Variants in AKAP12 observed in about 807,000 individuals in gnomAD.
The protein encoded by AKAP12 is A-kinase anchor protein 12.
A neutral mutation model predicts 79.9 loss-of-function variants in AKAP12; 32 were observed. The ratio of observed to expected loss-of-function variants is 0.40; its 90% CI spans 0.30 to 0.54. The LOEUF is 0.54. Ranked by LOEUF, AKAP12 falls within the 20% of genes least tolerant of loss-of-function variation. The pLI is 0.48. For synonymous variants in AKAP12, 808 were observed against 857.0 expected (o/e 0.94, Z 1.00); for missense variants, 2,074 against 2,177.0 (o/e 0.95, Z 0.94).
chr6:151,268,943 CTGTTT>C (rs1554321369), intron 2 of AKAP12, among the ~76,000 whole-genome samples: 1 of 84,932 alleles, frequency 1.2e-5, no homozygotes, highest in African/African-American at 4.0e-5. Context: ...CGTGCTCGGC[CTGTTT>C]TTTTTTTTTT....
chr6:151,323,577 A>T, intron 3 of AKAP12: 1 of 401,554 alleles, frequency 2.5e-6, no homozygotes, highest in Non-Finnish European at 3.4e-6. Flanking sequence ...ATCAAATCAG[A>T]TGTGTTAGCG....
At chr6:151,284,915 G>A (rs868855982) in intron 2 of AKAP12, among the ~76,000 whole-genome samples, 1 of 152,178 alleles carries the variant, frequency 6.6e-6, no homozygotes, top group Non-Finnish European at 1.5e-5. Flanking sequence ...GGGACCCAGG[G>A]TGGAACCAAA....
chr6:151,242,132 C>G (rs376292161), intron 2 of AKAP12, among the ~76,000 whole-genome samples: 1 of 152,172 alleles, frequency 6.6e-6, no homozygotes, highest in Non-Finnish European at 1.5e-5. Flanking sequence ...CAGCTACTGT[C>G]AAAGTGGCTC....
chr6:151,255,111 T>C (rs1797265784), intron 2 of AKAP12, among the ~76,000 whole-genome samples: 1 of 151,972 alleles, frequency 6.6e-6, no homozygotes, highest in Admixed American at 6.6e-5. Context: ...TCAACAAAAA[T>C]GAAGTTACAG....
At chr6:151,354,849 T>C (rs1248583544) in intron 4 of AKAP12, among the ~76,000 whole-genome samples, 45 of 151,990 alleles carry the variant, frequency 3.0e-4, no homozygotes, top group Admixed American at 2.8e-3. Context: ...CCGAGCTAAT[T>C]GTTAAATTTT....
chr6:151,348,697 C>CCCCCCCTT lies in AKAP12; in HGVS notation c.320-14_320-13insCCCCCCTT. The CCCCCCCTT allele has an allele frequency of 1.4e-5, 9 of 650,660 alleles. No individual in the cohort carries two copies. The highest frequency in any genetic ancestry group is 3.3e-5 in the Admixed American group (1 of 30,366). 40.3% of individuals were successfully genotyped at this position (650,660 alleles called of 1,614,324 possible). A position where few individuals can be genotyped will look rare whatever the true frequency, so the allele number is the denominator to read the frequency against. The stretch of plus-strand genomic sequence containing the variant: ...TTCTCTTCTCCCCACCCCCCCGCCC[C>CCCCCCCTT]TTTTTGTTAATAGTTGGACAGAGAG... On this transcript the variant is annotated splice_polypyrimidine_tract_variant and intron_variant, in intron 3 of 4. Transcript: ENST00000402676.
intron 3 of AKAP12, among the ~76,000 whole-genome samples, chr6:151,327,103 C>G (rs778553967): frequency 2.0e-5 from 3 of 148,242 alleles, no homozygotes; most frequent in Non-Finnish European, 4.4e-5. Flanking sequence ...ACGTGAGCCA[C>G]CGCACCTGGC....
In AKAP12 at chr6:151,262,243, C is replaced by G. The variant is rs186859283; in HGVS notation, c.162+21519C>G. Among the ~76,000 whole-genome samples, 3 of 152,386 alleles carry G rather than the reference C, an allele frequency of 2.0e-5. No homozygotes were observed. The East Asian group carries it at 5.8e-4, about 29-fold the overall frequency. ...GTGCTGGGATAACAGGCATGAGCCA[C>G]TGCGCCCGGCCCAAAACAATGGTTT... On this transcript the variant is annotated intron_variant, in intron 2 of 4. Coordinates refer to ENST00000402676, the MANE Select transcript of AKAP12 (RefSeq NM_005100.4).
Position 151,351,563 on chromosome 6 carries a change from G to A in AKAP12, c.3172G>A (p.Gly1058Ser). 6.2e-7 allele frequency: 1 copy of A among 1,614,130 alleles called. No homozygotes were observed. The highest frequency in any genetic ancestry group is 8.5e-7 in the Non-Finnish European group (1 of 1,180,038). The change falls in exon 4 of 5, where the codon GGC becomes AGC. Residue 1058 changes from glycine (G) to serine (S), a missense_variant. This residue lies in a region of AKAP12 where 1,428 missense variants were observed against 1,451.0 expected (regional missense o/e 0.98). Transcript: ENST00000402676. The surrounding 1 kb of genome is among the most constrained non-coding windows in gnomAD (Gnocchi z 4.4). ...EKVKEESQLPGTGGPEDVLQP... is the reference protein window; with the variant it reads ...EKVKEESQLPSTGGPEDVLQP... ...AGTGAAAGAGGAATCCCAGCTGCCT[G>A]GCACCGGTGGGCCAGAAGATGTGCT...
chr6:151,280,878 A>G (rs1562719600), intron 2 of AKAP12, among the ~76,000 whole-genome samples: 1 of 152,048 alleles, frequency 6.6e-6, no homozygotes, highest in African/African-American at 2.4e-5. Flanking sequence ...TGGCAATCAT[A>G]TTTCACAAAC....
intron 3 of AKAP12, among the ~76,000 whole-genome samples, chr6:151,336,662 A>G (rs1346046658): frequency 2.0e-5 from 3 of 152,142 alleles, no homozygotes; most frequent in Non-Finnish European, 2.9e-5. Context: ...GAATTGCTTG[A>G]ACCCAGGAGG....
At chr6:151,310,432 G>A (rs1777069371) in intron 3 of AKAP12, among the ~76,000 whole-genome samples, 1 of 152,134 alleles carries the variant, frequency 6.6e-6, no homozygotes, top group Non-Finnish European at 1.5e-5. Flanking sequence ...ATCTTGGGCT[G>A]AGACCAATTT....
At chr6:151,279,057 A>G (rs190560720) in intron 2 of AKAP12, among the ~76,000 whole-genome samples, 426 of 152,302 alleles carry the variant, frequency 2.8e-3, no homozygotes, top group Non-Finnish European at 4.7e-3. Context: ...TAAAATTCCT[A>G]AAATAAATTG....
chr6:151,240,380 T>G lies in AKAP12; in HGVS notation c.-179-4T>G. 7.4e-6 allele frequency: 4 copies of G among 541,946 alleles called. No individual in the cohort carries two copies. The highest frequency in any genetic ancestry group is 1.1e-5 in the Non-Finnish European group (4 of 348,304). 33.6% of individuals were successfully genotyped at this position (541,946 alleles called of 1,614,324 possible). A position where few individuals can be genotyped will look rare whatever the true frequency, so the allele number is the denominator to read the frequency against. Reference sequence around the variant, plus strand: ...CCTTTTTTTTTTTTTCCTTTTCTTTTAAGGAGTTTGCCGCGAGCGCGTCTC... The same window carrying G: ...CCTTTTTTTTTTTTTCCTTTTCTTTGAAGGAGTTTGCCGCGAGCGCGTCTC... On this transcript the variant is annotated splice_region_variant and splice_polypyrimidine_tract_variant and intron_variant, in intron 1 of 4. Transcript: ENST00000402676.
At chr6:151,325,925 G>T in intron 3 of AKAP12, 1 of 1,614,118 alleles carries the variant, frequency 6.2e-7, no homozygotes. Context: ...TCCCTGGACG[G>T]CAGGCACGGG....
intron 3 of AKAP12, among the ~76,000 whole-genome samples, chr6:151,337,841 A>C (rs1363319159): frequency 6.6e-6 from 1 of 152,038 alleles, no homozygotes; most frequent in Non-Finnish European, 1.5e-5. Flanking sequence ...TCAGGAGTTC[A>C]AGGCCAGCCA....
intron 2 of AKAP12, among the ~76,000 whole-genome samples, chr6:151,295,543 A>G (rs1262127573): frequency 6.6e-6 from 1 of 152,192 alleles, no homozygotes; most frequent in Non-Finnish European, 1.5e-5. Context: ...AAACCGTTCC[A>G]GCCGCCTTCC....
chr6:151,324,605 G>A (rs1372996591), intron 3 of AKAP12: 1 of 985,288 alleles, frequency 1.0e-6, no homozygotes, highest in Admixed American at 6.1e-5. Flanking sequence ...CTGAAGAGAA[G>A]TGCAATAGTA....
chr6:151,352,532 C>T lies in AKAP12; in HGVS notation c.4141C>T (p.Pro1381Ser). The change falls in exon 4 of 5, where the codon CCC becomes TCC. Residue 1381 changes from proline to serine, a missense_variant. Pro to Ser is a moderately conservative substitution (Grantham distance 74). Around this residue, in one of 3 missense-constraint regions of AKAP12, gnomAD observed 614 missense variants for 665.6 expected, o/e 0.92. Transcript: ENST00000402676. ...GCAGCTCCTCCAGACAGTGAATGTG[C>T]CCATCATAGATGGGGCAAAGGAAGT... ...SKQLLQTVNV[P>S]IIDGAKEVSS... 6.2e-7 allele frequency: 1 copy of T among 1,614,178 alleles called. No homozygotes were observed. The highest frequency in any genetic ancestry group is 1.1e-5 in the South Asian group (1 of 91,082).
Sources: allele counts gnomAD v4.1 joint callset (sites outside exome capture counted in the v4.1 genomes callset), GRCh38; gene constraint gnomAD v4.1.1; regional missense constraint gnomAD v4.1.1; non-coding constraint Gnocchi (gnomAD v3.1); transcripts MANE v1.5; gene names NCBI Gene and HGNC (gene_info 2026-07-23, HGNC 2026-07-21).